Variants in CDC37 observed in about 807,000 individuals in gnomAD.
CDC37 encodes the protein cell division cycle 37, HSP90 cochaperone.
Under a neutral mutation model 46.9 loss-of-function variants are expected in CDC37, and 9 were observed. The ratio of observed to expected loss-of-function variants is 0.19; its 90% confidence interval spans 0.12 to 0.33. The LOEUF (loss-of-function observed/expected upper bound fraction) is 0.33, where lower values mean the gene tolerates loss of function less well. Among genes scored for constraint, CDC37 ranks in the 10% least tolerant of loss-of-function variants. The pLI is 1.00. For synonymous variants in CDC37, 193 were observed against 191.0 expected (o/e 1.01, Z -0.09); for missense variants, 388 against 514.6 (o/e 0.75, Z 2.38).
At chr19:10,401,728 T>A (rs1487867482) in intron 1 of CDC37, among the ~76,000 whole-genome samples, 1 of 152,100 alleles carries the variant, frequency 6.6e-6, no homozygotes, top group African/African-American at 2.4e-5. Context: ...AATGCCGTAT[T>A]CCAGAGTATT....
intron 5 of CDC37, among the ~76,000 whole-genome samples, chr19:10,394,294 G>A (rs2042475857): frequency 6.6e-6 from 1 of 151,950 alleles, no homozygotes; most frequent in African/African-American, 2.4e-5. Flanking sequence ...AACCCTAGAG[G>A]CACCCTCACC....
At position 10,403,447 on chromosome 19, in the gene CDC37, C is replaced by T. The variant is rs1435689555; in HGVS notation, c.33G>A (p.Glu11=). 3 of 1,613,636 alleles carry T rather than the reference C, an allele frequency of 1.9e-6. No individual in the cohort carries two copies. The highest frequency in any genetic ancestry group is 1.3e-5 in the African/African-American group (1 of 75,044). ...GCGTCTCGTCTTCATCATCAGACAC[C>T]TCAATGTGGTCCCACACGCTGTAGT... MVDYSVWDHI[E]VSDDEDETHP... is the part of the protein sequence containing the mutation. The change falls in exon 1 of 8, where the codon GAG becomes GAA. Residue 11 remains glutamate (E), a synonymous_variant. Transcript: ENST00000222005.
intron 1 of CDC37, among the ~76,000 whole-genome samples, chr19:10,399,012 A>G (rs1036379184): frequency 6.6e-6 from 1 of 152,150 alleles, no homozygotes. Flanking sequence ...CGTCCTTGTC[A>G]CTGCCACCTG....
rs763217076 is a variant in CDC37 at position 10,403,499 on chromosome 19, C to A, written c.-20G>T. 3.8e-6 allele frequency: 6 copies of A among 1,593,966 alleles called. No homozygotes were observed. In the South Asian group the frequency reaches 6.6e-5, roughly 18 times the overall value. ...CACCATCTTGCCTTGGCGGCCCAGCCCGCTCCGGCTCGGGTGGCGGCGACG... is the reference window on the plus strand; with the variant it reads ...CACCATCTTGCCTTGGCGGCCCAGCACGCTCCGGCTCGGGTGGCGGCGACG... On this transcript the variant is annotated 5_prime_UTR_variant, in exon 1 of 8. Transcript: ENST00000222005.
At chr19:10,399,854 C>T (rs2042509335) in intron 1 of CDC37, among the ~76,000 whole-genome samples, 1 of 146,812 alleles carries the variant, frequency 6.8e-6, no homozygotes, top group Non-Finnish European at 1.5e-5. Flanking sequence ...ATTGCTTGAA[C>T]CTGGGAGGTG....
Position 10,391,514 on chromosome 19 carries a change from G to C in CDC37, c.*37C>G, listed in dbSNP as rs1267905285. 1 of 1,612,624 alleles carries C rather than the reference G, an allele frequency of 6.2e-7. No individual in the cohort carries two copies. The highest frequency in any genetic ancestry group is 8.5e-7 in the Non-Finnish European group (1 of 1,178,796). On this transcript the variant is annotated 3_prime_UTR_variant, in exon 8 of 8. Coordinates refer to ENST00000222005, the MANE Select transcript of CDC37 (RefSeq NM_007065.4). ...CTGTTTTCTGAAAAGGGGCACATAGGGGCCTGGAAGCAGGTGGCGGTGGTA... is the reference window on the plus strand; with the variant it reads ...CTGTTTTCTGAAAAGGGGCACATAGCGGCCTGGAAGCAGGTGGCGGTGGTA...
Position 10,391,476 on chromosome 19 carries a change from A to C in CDC37, c.*75T>G. On this transcript the variant is annotated 3_prime_UTR_variant, in exon 8 of 8. Transcript: ENST00000222005. ...AAGTAGAGGAAGTCAGGAGCGGGCG[A>C]GATGGCATCTATCTGTTTTCTGAAA... 6.4e-7 allele frequency: 1 copy of C among 1,569,500 alleles called. No homozygotes were observed. Among genetic ancestry groups the C allele is most frequent in the Non-Finnish European group, 8.8e-7 (1 of 1,140,494 alleles).
chr19:10,391,609 C>T lies in CDC37; in HGVS notation c.1079G>A (p.Gly360Glu), dbSNP rs280528. ...EAKEGEEAGP[G>E]DPLLEAVPKT... ...GGGAACAGCTTCCAGTAATGGGTCC[C>T]CAGGACCTGCCTCCTCTCCCTCCTT... The change falls in exon 8 of 8, where the codon GGG becomes GAG. Residue 360 changes from glycine to glutamate, a missense_variant. Around this residue, in one of 2 missense-constraint regions of CDC37, gnomAD observed 374 missense variants for 467.4 expected, o/e 0.80. Transcript: ENST00000222005. 5,325 of 1,614,176 alleles carry T rather than the reference C, an allele frequency of 3.3e-3. 158 individuals carry two copies. The African/African-American group carries it at 0.064, about 20-fold the overall frequency.
chr19:10,393,063 C>T lies in CDC37; in HGVS notation c.981+23G>A, dbSNP rs763410847. On this transcript the variant is annotated intron_variant, in intron 7 of 7. Coordinates refer to ENST00000222005, the MANE Select transcript of CDC37 (RefSeq NM_007065.4). This position sits in a 1 kb window ranked among gnomAD's most constrained non-coding sequence, Gnocchi z 4.9. ...GGAGACACACGGCCCGCCGGGAAGG[C>T]ATGGGGCGCGGGGGTTACTCACGGT... The T allele has an allele frequency of 1.9e-6, 3 of 1,608,076 alleles. No homozygotes were observed. The highest frequency in any genetic ancestry group is 2.7e-5 in the African/African-American group (2 of 74,762).
chr19:10,394,639 C>T (rs908076104), intron 5 of CDC37, among the ~76,000 whole-genome samples: 1 of 151,992 alleles, frequency 6.6e-6, no homozygotes, highest in Non-Finnish European at 1.5e-5. Context: ...CAGGTTCAAG[C>T]GATTCTCCTG....
chr19:10,395,666 G>A (rs761583736), intron 2 of CDC37, 123 bp from the exon 3 acceptor site: 2 of 899,364 alleles, frequency 2.2e-6, no homozygotes, highest in Non-Finnish European at 3.7e-6. Flanking sequence ...GAAGCCATGA[G>A]CATCAAGGTG....
Position 10,395,458 on chromosome 19 carries a change from T to C in CDC37, c.464A>G (p.Tyr155Cys). 1 of 1,614,078 alleles carries C rather than the reference T, an allele frequency of 6.2e-7. No individual in the cohort carries two copies. The highest frequency in any genetic ancestry group is 8.5e-7 in the Non-Finnish European group (1 of 1,179,884). Residue 155 changes from tyrosine to cysteine, a missense_variant, in exon 3 of 8, where the codon TAC becomes TGC. Tyr to Cys is a radical substitution (Grantham distance 194, BLOSUM62 -2). This residue lies in a region of CDC37 where 374 missense variants were observed against 467.4 expected (regional missense o/e 0.80). Coordinates refer to ENST00000222005, the MANE Select transcript of CDC37 (RefSeq NM_007065.4). ...ACCAAAGTGCTTGATCTGTTTCTCG[T>C]ATTTTTCCACGAAGGTCTTGTGTTT... is the stretch of plus-strand genomic sequence containing the variant. ...EQKHKTFVEKYEKQIKHFGML... is the reference protein window; with the variant it reads ...EQKHKTFVEKCEKQIKHFGML...
Position 10,402,157 on chromosome 19 carries a change from C to CAAAAAAAAA in CDC37, c.102+1212_102+1220dup, listed in dbSNP as rs753021871. ...GGGCGACAAGAAGGAAACTTCGTCTCAAAAAAAAAAAAAAAAAAAAAAAAA... is the reference window on the plus strand; with the variant it reads ...GGGCGACAAGAAGGAAACTTCGTCTCAAAAAAAAAAAAAAAAAAAAAAAAAAAAAAAAAA... On this transcript the variant is annotated intron_variant, in intron 1 of 7. Coordinates refer to ENST00000222005, the MANE Select transcript of CDC37 (RefSeq NM_007065.4). 6.1e-4 allele frequency among the ~76,000 whole-genome samples: 39 copies of CAAAAAAAAA among 63,838 alleles called. 2 individuals carry two copies. Among genetic ancestry groups the CAAAAAAAAA allele is most frequent in the African/African-American group, 2.4e-3 (38 of 15,718 alleles). 41.9% of individuals were successfully genotyped at this position (63,838 alleles called of 152,430 possible).
At position 10,392,868 on chromosome 19, in the gene CDC37, G is replaced by C. The variant is rs28382793; in HGVS notation, c.981+218C>G. 120 of 592,500 alleles carry C rather than the reference G, an allele frequency of 2.0e-4. 1 individual carries two copies. Among genetic ancestry groups the C allele is most frequent in the East Asian group, 1.7e-3 (60 of 35,814 alleles). 36.7% of individuals were successfully genotyped at this position (592,500 alleles called of 1,614,324 possible). A position where few individuals can be genotyped will look rare whatever the true frequency, so the allele number is the denominator to read the frequency against. On this transcript the variant is annotated intron_variant, in intron 7 of 7. Transcript: ENST00000222005. ...CAGTCACAGTAACAGTGACAGTCAC[G>C]AAGGACATGCGCTCAAAGCTCAGCA...
At chr19:10,401,337 C>T (rs960668468) in intron 1 of CDC37, among the ~76,000 whole-genome samples, 3 of 152,154 alleles carry the variant, frequency 2.0e-5, no homozygotes, top group African/African-American at 7.2e-5. Flanking sequence ...GCTGAAGCCC[C>T]CTGCCTCCCT....
At position 10,393,534 on chromosome 19, in the gene CDC37, G is replaced by T; in HGVS notation, c.727-93C>A. ...CCTCCAGCCACAGCTCCTCAGAGGC[G>T]CCCCACGGTTCCCCAAGTCTATTCC... is the stretch of plus-strand genomic sequence containing the variant. On this transcript the variant is annotated intron_variant, in intron 5 of 7. Transcript: ENST00000222005. This position sits in a 1 kb window ranked among gnomAD's most constrained non-coding sequence, Gnocchi z 4.9. 4 of 1,318,386 alleles carry T rather than the reference G, an allele frequency of 3.0e-6. No homozygotes were observed. Among genetic ancestry groups the T allele is most frequent in the South Asian group, 1.4e-5 (1 of 70,272 alleles). The allele number at this position is 1,318,386 out of a possible 1,614,324, so 81.7% of individuals were successfully genotyped here.
rs550094363 is a variant in CDC37 at position 10,396,790 on chromosome 19, G to C, written c.103-587C>G. ...TTGCCATGTTGCCCAGGCTGGTCTT[G>C]AAGTCCTGGGTTCAAGCGATCCTTC... is the stretch of plus-strand genomic sequence containing the variant. On this transcript the variant is annotated intron_variant, in intron 1 of 7. Coordinates refer to ENST00000222005, the MANE Select transcript of CDC37 (RefSeq NM_007065.4). This position sits in a 1 kb window ranked among gnomAD's most constrained non-coding sequence, Gnocchi z 5.9. Among the ~76,000 whole-genome samples the C allele has an allele frequency of 1.3e-5, 2 of 152,194 alleles. No individual in the cohort carries two copies. The highest frequency in any genetic ancestry group is 3.9e-4 in the East Asian group (2 of 5,160).
chr19:10,394,524 A>AT (rs1257838783), intron 5 of CDC37, among the ~76,000 whole-genome samples: 1 of 151,634 alleles, frequency 6.6e-6, no homozygotes, highest in Non-Finnish European at 1.5e-5. Flanking sequence ...CTTTTATTTA[A>AT]TTAATTAATT....
In CDC37 at chr19:10,395,493, C is replaced by T. The variant is rs1475267340; in HGVS notation, c.429G>A (p.Val143=). The T allele has an allele frequency of 3.1e-6, 5 of 1,614,114 alleles. No individual in the cohort carries two copies. The highest frequency in any genetic ancestry group is 3.4e-6 in the Non-Finnish European group (4 of 1,180,028). ...CGAAGGTCTTGTGTTTCTGCTCCCT[C>T]ACCTCCTCTGAGTCCTCCTCCGTCT... The part of the protein sequence containing the change: ...PEKTEEDSEE[V]REQKHKTFVE... The change falls in exon 3 of 8, where the codon GTG becomes GTA. Residue 143 remains valine, a synonymous_variant. Coordinates refer to ENST00000222005, the MANE Select transcript of CDC37 (RefSeq NM_007065.4).
Sources: allele counts gnomAD v4.1 joint callset (sites outside exome capture counted in the v4.1 genomes callset), GRCh38; gene constraint gnomAD v4.1.1; regional missense constraint gnomAD v4.1.1; non-coding constraint Gnocchi (gnomAD v3.1); transcripts MANE v1.5; gene names NCBI Gene and HGNC (gene_info 2026-07-23, HGNC 2026-07-21).